KCNJ6: variants seen among roughly 807,000 people sequenced by gnomAD.
The protein encoded by KCNJ6 is G protein-activated inward rectifier potassium channel 2.
Under a neutral mutation model 34.2 loss-of-function variants are expected in KCNJ6, and 9 were observed. That is an observed-to-expected ratio of 0.26 (90% CI 0.16 to 0.46). The LOEUF (loss-of-function observed/expected upper bound fraction) is 0.46. KCNJ6 is among the 20% of genes least tolerant of loss of function. KCNJ6 has a pLI of 1.00. For missense variants in KCNJ6, 236 were observed against 531.3 expected (o/e 0.44, Z 5.46); for synonymous variants, 196 against 207.1 (o/e 0.95, Z 0.46).
chr21:37,648,667 T>C (rs1189754491), intron 3 of KCNJ6, among the ~76,000 whole-genome samples: 1 of 152,218 alleles, frequency 6.6e-6, no homozygotes. Flanking sequence ...TTAATTTTAT[T>C]ATGCTGCTTC....
rs550239292 is a variant in KCNJ6, at chr21:37,801,652, C to T, written c.25+39006G>A. Among the ~76,000 whole-genome samples, 5 of 152,254 alleles carry T rather than the reference C, an allele frequency of 3.3e-5. 1 individual carries two copies. Among genetic ancestry groups the T allele is most frequent in the African/African-American group, 1.2e-4 (5 of 41,534 alleles). On this transcript the variant is annotated intron_variant, in intron 2 of 3. Transcript: ENST00000609713. ...CCACTTCTCATCCTCTCCTTCTGCCCACCTCAAAGCTGCTGGAGGCTGAGC... is the reference window on the plus strand; with the variant it reads ...CCACTTCTCATCCTCTCCTTCTGCCTACCTCAAAGCTGCTGGAGGCTGAGC...
At chr21:37,667,039 G>A (rs947185225) in intron 3 of KCNJ6, among the ~76,000 whole-genome samples, 1 of 151,164 alleles carries the variant, frequency 6.6e-6, no homozygotes, top group African/African-American at 2.4e-5. Context: ...CCACTGGCTA[G>A]GAAAACCGGA....
At chr21:37,791,653 G>C (rs757145528) in intron 2 of KCNJ6, among the ~76,000 whole-genome samples, 1 of 152,162 alleles carries the variant, frequency 6.6e-6, no homozygotes, top group South Asian at 2.1e-4. Context: ...TTTTCTTGAC[G>C]GGAGATTTTA....
intron 3 of KCNJ6, among the ~76,000 whole-genome samples, chr21:37,711,270 T>G (rs528916550): frequency 6.6e-6 from 1 of 152,166 alleles, no homozygotes; most frequent in South Asian, 2.1e-4. Context: ...GTGGGACAAC[T>G]CCGGTCTCCG....
intron 3 of KCNJ6, among the ~76,000 whole-genome samples, chr21:37,701,332 C>T (rs1277900723): frequency 6.6e-6 from 1 of 152,114 alleles, no homozygotes; most frequent in East Asian, 1.9e-4. Context: ...AACTGGTTGC[C>T]TGGAGTTATT....
chr21:37,832,783 G>T (rs543145402), intron 2 of KCNJ6, among the ~76,000 whole-genome samples: 1 of 152,240 alleles, frequency 6.6e-6, no homozygotes, highest in East Asian at 1.9e-4. Flanking sequence ...GAGCCTGGAG[G>T]TCGGTGGGAA....
Position 37,613,331 on chromosome 21 carries a change from C to T in KCNJ6, c.*11828G>A, listed in dbSNP as rs73220479. On this transcript the variant is annotated 3_prime_UTR_variant, in exon 4 of 4. Coordinates refer to ENST00000609713, the MANE Select transcript of KCNJ6 (RefSeq NM_002240.5). ...TGGAGCAACGGGAACCCTCATTCATCGCTAGTGGAATGCAAAACAGTACAG... is the reference window on the plus strand; with the variant it reads ...TGGAGCAACGGGAACCCTCATTCATTGCTAGTGGAATGCAAAACAGTACAG... The T allele has an allele frequency of 0.29, 44,569 of 152,120 alleles. 6,830 individuals carry two copies. Among genetic ancestry groups the T allele is most frequent in the South Asian group, 0.33 (1,587 of 4,820 alleles). 9.4% of individuals were successfully genotyped at this position (152,120 alleles called of 1,614,324 possible).
chr21:37,818,913 TC>T (rs1264143745), intron 2 of KCNJ6, among the ~76,000 whole-genome samples: 2 of 152,066 alleles, frequency 1.3e-5, no homozygotes, highest in African/African-American at 4.8e-5. Flanking sequence ...ATATTAGACT[TC>T]CAAGGTTTTT....
chr21:37,788,873 G>A (rs2055204123), intron 2 of KCNJ6, among the ~76,000 whole-genome samples: 1 of 152,138 alleles, frequency 6.6e-6, no homozygotes. Flanking sequence ...TTTTTGGGAT[G>A]GTTTGTTATG....
At chr21:37,662,424 C>T (rs1476578344) in intron 3 of KCNJ6, among the ~76,000 whole-genome samples, 3 of 152,174 alleles carry the variant, frequency 2.0e-5, no homozygotes, top group African/African-American at 7.2e-5. Flanking sequence ...ATCCATGTCC[C>T]TGCAAAGGAC....
chr21:37,763,406 C>A (rs2055075769), intron 2 of KCNJ6, among the ~76,000 whole-genome samples: 1 of 152,206 alleles, frequency 6.6e-6, no homozygotes, highest in Non-Finnish European at 1.5e-5. Context: ...TTACTTCCTG[C>A]TCCTGATCCT....
Position 37,724,177 on chromosome 21 carries a change from T to G in KCNJ6, c.26-9046A>C, listed in dbSNP as rs781584664. On this transcript the variant is annotated intron_variant, in intron 2 of 3. Coordinates refer to ENST00000609713, the MANE Select transcript of KCNJ6 (RefSeq NM_002240.5). ...GTGATATGATTGAGTATTTTGAGTG[T>G]TTTAGAAAGGTCTCTGAAGAGCAGT... is the stretch of plus-strand genomic sequence containing the variant. 2.6e-5 allele frequency among the ~76,000 whole-genome samples: 4 copies of G among 152,202 alleles called. No individual in the cohort carries two copies. In the South Asian group the frequency reaches 8.3e-4, roughly 32 times the overall value.
chr21:37,830,636 T>C (rs2055421298), intron 2 of KCNJ6, among the ~76,000 whole-genome samples: 1 of 152,044 alleles, frequency 6.6e-6, no homozygotes, highest in African/African-American at 2.4e-5. Context: ...AGAGAGAAGG[T>C]GTGGGCATCA....
At chr21:37,723,734 T>C (rs965884390) in intron 2 of KCNJ6, among the ~76,000 whole-genome samples, 1 of 152,084 alleles carries the variant, frequency 6.6e-6, no homozygotes, top group Non-Finnish European at 1.5e-5. Context: ...GATGTAAAGA[T>C]AGCATTGGGA....
At chr21:37,834,208 A>G (rs571230453) in intron 2 of KCNJ6, among the ~76,000 whole-genome samples, 2 of 152,154 alleles carry the variant, frequency 1.3e-5, no homozygotes, top group South Asian at 4.2e-4. Flanking sequence ...CTGCCCCATT[A>G]CCCACAGGAA....
At chr21:37,751,911 ATTGT>A (rs762862495) in intron 2 of KCNJ6, among the ~76,000 whole-genome samples, 4 of 152,276 alleles carry the variant, frequency 2.6e-5, no homozygotes, top group Admixed American at 6.5e-5. Context: ...TTGATAAGTG[ATTGT>A]TTGAATGAAT....
chr21:37,794,889 T>G lies in KCNJ6; in HGVS notation c.25+45769A>C, dbSNP rs188571467. ...ATGCATCCTAGAACTTAAAGTAAAATAAAAAAGAAAAAAAATAGAAAAAGA... is the reference window on the plus strand; with the variant it reads ...ATGCATCCTAGAACTTAAAGTAAAAGAAAAAAGAAAAAAAATAGAAAAAGA... On this transcript the variant is annotated intron_variant, in intron 2 of 3. Transcript: ENST00000609713. 4.2e-4 allele frequency among the ~76,000 whole-genome samples: 58 copies of G among 137,458 alleles called. No homozygotes were observed. In the South Asian group the frequency reaches 4.6e-3, roughly 11 times the overall value. 90.2% of individuals were successfully genotyped at this position (137,458 alleles called of 152,430 possible). A position where few individuals can be genotyped will look rare whatever the true frequency, so the allele number is the denominator to read the frequency against.
At chr21:37,648,198 G>C (rs2054414534) in intron 3 of KCNJ6, among the ~76,000 whole-genome samples, 1 of 152,226 alleles carries the variant, frequency 6.6e-6, no homozygotes, top group Non-Finnish European at 1.5e-5. Context: ...AATCTACAGG[G>C]GAGGAGGCTG....
chr21:37,744,236 A>G (rs1017028863), intron 2 of KCNJ6, among the ~76,000 whole-genome samples: 2 of 151,866 alleles, frequency 1.3e-5, no homozygotes, highest in Non-Finnish European at 2.9e-5. Context: ...TGGGTGCAGC[A>G]CACCAACATG....
Sources: allele counts gnomAD v4.1 joint callset (sites outside exome capture counted in the v4.1 genomes callset), GRCh38; gene constraint gnomAD v4.1.1; transcripts MANE v1.5; gene names NCBI Gene and HGNC (gene_info 2026-07-23, HGNC 2026-07-21).